ABHD17A: variants seen among roughly 807,000 people sequenced by gnomAD.
ABHD17A encodes the protein alpha/beta hydrolase domain-containing protein 17A.
A neutral mutation model predicts 26.8 loss-of-function variants in ABHD17A; 10 were observed. The ratio of observed to expected loss-of-function variants is 0.37; its 90% CI spans 0.23 to 0.63. The LOEUF (loss-of-function observed/expected upper bound fraction) is 0.63, where lower values mean the gene tolerates loss of function less well. ABHD17A is among the 30% of genes least tolerant of loss of function. The probability of loss-of-function intolerance (pLI) is 0.61; values close to 1 mark genes in which losing one functional copy is unlikely to be tolerated. For missense variants in ABHD17A, 292 were observed against 457.3 expected (o/e 0.64, Z 3.30); for synonymous variants, 167 against 210.9 (o/e 0.79, Z 1.80).
At position 1,877,522 on chromosome 19, in the gene ABHD17A, G is replaced by A. The variant is rs750526442; in HGVS notation, c.693C>T (p.Phe231=). The A allele has an allele frequency of 1.4e-5, 22 of 1,595,014 alleles. No individual in the cohort carries two copies. The African/African-American group carries it at 2.3e-4, about 16-fold the overall frequency. Residue 231 remains phenylalanine, a synonymous_variant, in exon 4 of 5, where the codon TTC becomes TTT. Transcript: ENST00000292577. ...AFPDTKKTYC[F]DAFPNIEKVS... ...GGGCCGCTCACTTAGGGAAGGCGTC[G>A]AAGCAGTAGGTCTTCTTGGTGTCGG...
At chr19:1,883,926 GACTC>G (rs1452604465) in intron 1 of ABHD17A, 1 of 152,740 alleles carries the variant, frequency 6.5e-6, no homozygotes, top group African/African-American at 2.4e-5. Context: ...GACCTCTCCA[GACTC>G]ACTCATCTCA....
rs756947520 is a variant in ABHD17A, at chr19:1,880,158, C to A, written c.333-43G>T. ...GGGCCGTTCACATCCTCGCTCCCAG[C>A]GCCCAGCTGCAGGGCAGGAGGATGC... On this transcript the variant is annotated intron_variant, in intron 2 of 4. Coordinates refer to ENST00000292577, the MANE Select transcript of ABHD17A (RefSeq NM_001130111.2). This position sits in a 1 kb window ranked among gnomAD's most constrained non-coding sequence, Gnocchi z 4.1. 3.7e-6 allele frequency: 6 copies of A among 1,604,160 alleles called. No individual in the cohort carries two copies. Among genetic ancestry groups the A allele is most frequent in the Non-Finnish European group, 5.1e-6 (6 of 1,174,926 alleles).
In ABHD17A at chr19:1,879,199, G is replaced by T. The variant is rs541405343; in HGVS notation, c.527+722C>A. On this transcript the variant is annotated intron_variant, in intron 3 of 4. Transcript: ENST00000292577. The surrounding 1 kb of genome is among the most constrained non-coding windows in gnomAD (Gnocchi z 7.6). ...TCTCAGAGCTGTGCCTGGTCCCTGT[G>T]GGAGCAGGTCAGACCAGTGGGCTGG... 3 of 152,768 alleles carry T rather than the reference G, an allele frequency of 2.0e-5. No homozygotes were observed. Among genetic ancestry groups the T allele is most frequent in the Admixed American group, 6.5e-5 (1 of 15,336 alleles). The allele number at this position is 152,768 out of a possible 1,614,324, so 9.5% of individuals were successfully genotyped here.
chr19:1,881,126 G>A (rs1303487204), intron 2 of ABHD17A, 109 bp downstream of exon 2: 56 of 1,562,242 alleles, frequency 3.6e-5, no homozygotes, highest in Middle Eastern at 3.8e-4. Flanking sequence ...GGCCCTTCAC[G>A]GCAGGCTCGG....
At chr19:1,883,225 T>G (rs905703039) in intron 1 of ABHD17A, 7 of 152,170 alleles carry the variant, frequency 4.6e-5, no homozygotes, top group African/African-American at 1.7e-4. Flanking sequence ...TGGTTCTGCT[T>G]CTCAGATGGA....
Position 1,881,281 on chromosome 19 carries a change from C to T in ABHD17A, c.286G>A (p.Gly96Ser), listed in dbSNP as rs1424335491. The change falls in exon 2 of 5, where the codon GGC becomes AGC. Residue 96 changes from glycine to serine, a missense_variant. Around this residue, in one of 4 missense-constraint regions of ABHD17A, gnomAD observed 171 missense variants for 216.1 expected, o/e 0.79. Transcript: ENST00000292577. ...ACATACATGCAGGAGACGCGGTTGC[C>T]GCGGGCGCTCTTGGTGGGGAAGACC... ...IEVFPTKSAR[G>S]NRVSCMYVRC... 9 of 1,611,114 alleles carry T rather than the reference C, an allele frequency of 5.6e-6. No homozygotes were observed. The highest frequency in any genetic ancestry group is 7.6e-6 in the Non-Finnish European group (9 of 1,179,726).
rs1245574169 is a variant in ABHD17A, at chr19:1,877,124, C to G, written c.*76G>C. The stretch of plus-strand genomic sequence containing the variant: ...GGCCGCCCGGGGGGTCCACATGCAG[C>G]CCCTGGGTGGGGGCCGGCGCGGGGT... On this transcript the variant is annotated 3_prime_UTR_variant, in exon 5 of 5. Coordinates refer to ENST00000292577, the MANE Select transcript of ABHD17A (RefSeq NM_001130111.2). The G allele has an allele frequency of 7.0e-7, 1 of 1,433,588 alleles. No homozygotes were observed. Among genetic ancestry groups the G allele is most frequent in the Admixed American group, 2.1e-5 (1 of 47,686 alleles). The allele number at this position is 1,433,588 out of a possible 1,614,324, so 88.8% of individuals were successfully genotyped here. A position where few individuals can be genotyped will look rare whatever the true frequency, so the allele number is the denominator to read the frequency against.
At position 1,881,509 on chromosome 19, in the gene ABHD17A, C is replaced by G. The variant is rs777069471; in HGVS notation, c.58G>C (p.Gly20Arg). ...AAGGCGAGCTTGGCAGCGATGCGGC[C>G]GGGGCAGGGCGGGCAGCAGAAGAGG... is the stretch of plus-strand genomic sequence containing the variant. ...CCLFCCPPCP[G>R]RIAAKLAFLP... The change falls in exon 2 of 5, where the codon GGC becomes CGC. Residue 20 changes from glycine (G) to arginine (R), a missense_variant. Gly to Arg is a moderately radical substitution (Grantham distance 125). Transcript: ENST00000292577. The G allele has an allele frequency of 2.5e-6, 4 of 1,603,908 alleles. No homozygotes were observed. The highest frequency in any genetic ancestry group is 1.1e-5 in the South Asian group (1 of 90,922).
Position 1,877,017 on chromosome 19 carries a change from TCTTG to T in ABHD17A, c.*179_*182del, listed in dbSNP as rs145006691. On this transcript the variant is annotated 3_prime_UTR_variant, in exon 5 of 5. Coordinates refer to ENST00000292577, the MANE Select transcript of ABHD17A (RefSeq NM_001130111.2). ...TAATTTCCGTTTTCACGTATTTTCT[TCTTG>T]CTTCCAAAAGGAAAGGAGTGCGTAG... 0.053 allele frequency: 31,021 copies of T among 584,838 alleles called. 835 individuals are homozygous for T. Among genetic ancestry groups the T allele is most frequent in the Middle Eastern group, 0.12 (252 of 2,184 alleles). 36.2% of individuals were successfully genotyped at this position (584,838 alleles called of 1,614,324 possible). A position where few individuals can be genotyped will look rare whatever the true frequency, so the allele number is the denominator to read the frequency against.
rs2012370843 is a variant in ABHD17A, at chr19:1,876,899, G to A, written c.*301C>T. On this transcript the variant is annotated 3_prime_UTR_variant, in exon 5 of 5. Coordinates refer to ENST00000292577, the MANE Select transcript of ABHD17A (RefSeq NM_001130111.2). ...TCCTAGGGACTCAGGGACGAAACCTGGGAACCCCGGCCCCCTTTCGAGCTC... is the reference window on the plus strand; with the variant it reads ...TCCTAGGGACTCAGGGACGAAACCTAGGAACCCCGGCCCCCTTTCGAGCTC... 1 of 435,742 alleles carries A rather than the reference G, an allele frequency of 2.3e-6. No homozygotes were observed. Among genetic ancestry groups the A allele is most frequent in the African/African-American group, 2.1e-5 (1 of 48,300 alleles). 27.0% of individuals were successfully genotyped at this position (435,742 alleles called of 1,614,324 possible).
chr19:1,881,366 C>T lies in ABHD17A; in HGVS notation c.201G>A (p.Lys67=). 6.2e-7 allele frequency: 1 copy of T among 1,608,304 alleles called. No individual in the cohort carries two copies. Among genetic ancestry groups the T allele is most frequent in the Non-Finnish European group, 8.5e-7 (1 of 1,179,476 alleles). Residue 67 remains lysine (K), a synonymous_variant, in exon 2 of 5, where the codon AAG becomes AAA. Coordinates refer to ENST00000292577, the MANE Select transcript of ABHD17A (RefSeq NM_001130111.2). ...AGTCGGCACGCTCCGTCAGGTGCAG[C>T]TTCCAGCGCCCGGGTGCGCCCGAGG... ...RASSGAPGRW[K]LHLTERADFQ...
At position 1,880,836 on chromosome 19, in the gene ABHD17A, C is replaced by A. The variant is rs985580006; in HGVS notation, c.332+399G>T. On this transcript the variant is annotated intron_variant, in intron 2 of 4. Coordinates refer to ENST00000292577, the MANE Select transcript of ABHD17A (RefSeq NM_001130111.2). This position sits in a 1 kb window ranked among gnomAD's most constrained non-coding sequence, Gnocchi z 4.1. ...TTCCTCCAGTTCCCCCAGGCCCCCA[C>A]CTAGCCCAGCCAGAAGGTAAAGGCT... 5.6e-6 allele frequency: 9 copies of A among 1,602,644 alleles called. No homozygotes were observed. Among genetic ancestry groups the A allele is most frequent in the African/African-American group, 1.3e-5 (1 of 74,764 alleles).
chr19:1,880,257 C>T lies in ABHD17A; in HGVS notation c.333-142G>A. 1 of 847,990 alleles carries T rather than the reference C, an allele frequency of 1.2e-6. No homozygotes were observed. Among genetic ancestry groups the T allele is most frequent in the Non-Finnish European group, 1.9e-6 (1 of 539,316 alleles). 52.5% of individuals were successfully genotyped at this position (847,990 alleles called of 1,614,324 possible). On this transcript the variant is annotated intron_variant, in intron 2 of 4. Transcript: ENST00000292577. This position sits in a 1 kb window ranked among gnomAD's most constrained non-coding sequence, Gnocchi z 4.1. ...CTCCCCTCCCAAGGGGGCCAGAAGC[C>T]AGTGAATGGAGAGGGGAGGCTACGA...
chr19:1,884,604 G>T (rs964238568), intron 1 of ABHD17A, among the ~76,000 whole-genome samples: 2 of 152,088 alleles, frequency 1.3e-5, no homozygotes, highest in Non-Finnish European at 2.9e-5. Flanking sequence ...AACCCGCCTG[G>T]GGGGAGGCGC....
At chr19:1,883,178 T>C (rs2012588198) in intron 1 of ABHD17A, 1 of 152,210 alleles carries the variant, frequency 6.6e-6, no homozygotes, top group Admixed American at 6.5e-5. Flanking sequence ...AAATCGCACA[T>C]GCAAGCACTT....
In ABHD17A at chr19:1,880,845, G is replaced by C. The variant is rs779809426; in HGVS notation, c.332+390C>G. 17 of 1,607,102 alleles carry C rather than the reference G, an allele frequency of 1.1e-5. No homozygotes were observed. In the Admixed American group the frequency reaches 1.7e-4, roughly 16 times the overall value. On this transcript the variant is annotated intron_variant, in intron 2 of 4. Coordinates refer to ENST00000292577, the MANE Select transcript of ABHD17A (RefSeq NM_001130111.2). This position sits in a 1 kb window ranked among gnomAD's most constrained non-coding sequence, Gnocchi z 4.1. ...TTCCCCCAGGCCCCCACCTAGCCCA[G>C]CCAGAAGGTAAAGGCTCGCCCTCTG...
rs1198476989 is a variant in ABHD17A, at chr19:1,876,832, C to T, written c.*368G>A. 8 of 262,240 alleles carry T rather than the reference C, an allele frequency of 3.1e-5. No individual in the cohort carries two copies. The East Asian group carries it at 8.9e-4, about 29-fold the overall frequency. The allele number at this position is 262,240 out of a possible 1,614,324, so 16.2% of individuals were successfully genotyped here. A position where few individuals can be genotyped will look rare whatever the true frequency, so the allele number is the denominator to read the frequency against. On this transcript the variant is annotated 3_prime_UTR_variant, in exon 5 of 5. Coordinates refer to ENST00000292577, the MANE Select transcript of ABHD17A (RefSeq NM_001130111.2). The stretch of plus-strand genomic sequence containing the variant: ...CCGGACTAGACAGAGACCCACCCCA[C>T]TTCCGCAGAGTAAAACCTATAAGGG...
chr19:1,880,181 T>A lies in ABHD17A; in HGVS notation c.333-66A>T. On this transcript the variant is annotated intron_variant, in intron 2 of 4. Transcript: ENST00000292577. The surrounding 1 kb of genome is among the most constrained non-coding windows in gnomAD (Gnocchi z 4.1). The stretch of plus-strand genomic sequence containing the variant: ...AGCGCCCAGCTGCAGGGCAGGAGGA[T>A]GCGTAGTGACAGCCCACCCCGGTGG... 1 of 1,570,674 alleles carries A rather than the reference T, an allele frequency of 6.4e-7. No homozygotes were observed.
chr19:1,880,197 A>C lies in ABHD17A; in HGVS notation c.333-82T>G, dbSNP rs1599207472. On this transcript the variant is annotated intron_variant, in intron 2 of 4. Coordinates refer to ENST00000292577, the MANE Select transcript of ABHD17A (RefSeq NM_001130111.2). This position sits in a 1 kb window ranked among gnomAD's most constrained non-coding sequence, Gnocchi z 4.1. ...GCAGGAGGATGCGTAGTGACAGCCC[A>C]CCCCGGTGGCCAGCCATGCCCAGTG... 5 of 1,488,586 alleles carry C rather than the reference A, an allele frequency of 3.4e-6. No individual in the cohort carries two copies. Among genetic ancestry groups the C allele is most frequent in the East Asian group, 2.4e-5 (1 of 42,088 alleles). The allele number at this position is 1,488,586 out of a possible 1,614,324, so 92.2% of individuals were successfully genotyped here. A position where few individuals can be genotyped will look rare whatever the true frequency, so the allele number is the denominator to read the frequency against.
Sources: gnomAD v4.1 joint callset for allele counts (sites outside exome capture counted in the v4.1 genomes callset) on GRCh38, gnomAD v4.1.1 for gene constraint, gnomAD v4.1.1 regional missense constraint, Gnocchi (gnomAD v3.1) non-coding constraint, MANE v1.5 for transcripts, NCBI Gene and HGNC (gene_info 2026-07-23, HGNC 2026-07-21) for gene names.